Variants in HS6ST3 observed in about 807,000 individuals in gnomAD.
HS6ST3 encodes the protein heparan-sulfate 6-O-sulfotransferase 3.
In HS6ST3, 12 loss-of-function variants were observed where a neutral mutation model predicts 36.7. The ratio of observed to expected loss-of-function variants is 0.33; its 90% CI spans 0.21 to 0.53. The LOEUF is 0.53. Among genes scored for constraint, HS6ST3 ranks in the 20% least tolerant of loss-of-function variants. The probability of loss-of-function intolerance (pLI) is 0.95; values close to 1 mark genes in which losing one functional copy is unlikely to be tolerated. For synonymous variants in HS6ST3, 240 were observed against 257.5 expected, an observed-to-expected ratio of 0.93 and a Z score of 0.65; for missense variants, 584 against 640.9, an observed-to-expected ratio of 0.91 and a Z score of 0.96.
At chr13:96,387,701 C>G (rs185220383) in intron 1 of HS6ST3, among the ~76,000 whole-genome samples, 2 of 152,138 alleles carry the variant, frequency 1.3e-5, no homozygotes, top group Non-Finnish European at 2.9e-5. Context: ...CCAATTACCC[C>G]AAGGCTGCAA....
chr13:96,608,709 A>G (rs566886636), intron 1 of HS6ST3, among the ~76,000 whole-genome samples: 2 of 152,362 alleles, frequency 1.3e-5, no homozygotes, highest in South Asian at 4.1e-4. Flanking sequence ...GAGCAAAACC[A>G]GAGTAATTAG....
intron 1 of HS6ST3, among the ~76,000 whole-genome samples, chr13:96,731,348 T>C (rs1876148920): frequency 6.6e-6 from 1 of 152,216 alleles, no homozygotes; most frequent in Admixed American, 6.5e-5. Context: ...TGTCTTTCTG[T>C]GCCTGGTTTA....
chr13:96,809,890 G>A (rs570133873), intron 1 of HS6ST3, among the ~76,000 whole-genome samples: 1 of 152,336 alleles, frequency 6.6e-6, no homozygotes, highest in East Asian at 1.9e-4. Flanking sequence ...CTCACATGAG[G>A]TTATGTTTCC....
At chr13:96,787,291 A>G (rs1274547054) in intron 1 of HS6ST3, among the ~76,000 whole-genome samples, 2 of 152,140 alleles carry the variant, frequency 1.3e-5, no homozygotes, top group Admixed American at 6.6e-5. Flanking sequence ...AGTGATAAAT[A>G]TATGTTTAGC....
chr13:96,630,488 T>C (rs2056528204), intron 1 of HS6ST3, among the ~76,000 whole-genome samples: 1 of 152,220 alleles, frequency 6.6e-6, no homozygotes, highest in African/African-American at 2.4e-5. Context: ...CTTTCTCTTA[T>C]ACCTAATGGC....
chr13:96,723,900 G>A (rs889317818), intron 1 of HS6ST3, among the ~76,000 whole-genome samples: 2 of 152,054 alleles, frequency 1.3e-5, no homozygotes, highest in Non-Finnish European at 2.9e-5. Context: ...CTCTTTTGAT[G>A]TTTCATTGTG....
chr13:96,304,711 CTT>C (rs61314597), intron 1 of HS6ST3, among the ~76,000 whole-genome samples: 4 of 89,336 alleles, frequency 4.5e-5, no homozygotes, highest in African/African-American at 1.3e-4. Flanking sequence ...TTCTTTCTTT[CTT>C]TTTTTTTTTT....
intron 1 of HS6ST3, among the ~76,000 whole-genome samples, chr13:96,203,247 GGAAGAA>G (rs2054352272): frequency 6.6e-6 from 1 of 152,178 alleles, no homozygotes; most frequent in East Asian, 1.9e-4. Context: ...GGAAAGTTCA[GGAAGAA>G]GATACCAGGT....
chr13:96,381,479 A>G (rs1479985230), intron 1 of HS6ST3, among the ~76,000 whole-genome samples: 1 of 143,336 alleles, frequency 7.0e-6, no homozygotes, highest in Non-Finnish European at 1.6e-5. Flanking sequence ...GGTGGGGTTA[A>G]GAGTGCAGAC....
intron 1 of HS6ST3, among the ~76,000 whole-genome samples, chr13:96,784,121 A>G (rs1594859345): frequency 6.6e-6 from 1 of 151,540 alleles, no homozygotes. Flanking sequence ...AGGAACTTTG[A>G]TATAAATAAA....
rs189712534 is a variant in HS6ST3 at position 96,796,581 on chromosome 13, G to A, written c.708-35909G>A. Among the ~76,000 whole-genome samples, 23 of 152,200 alleles carry A rather than the reference G, an allele frequency of 1.5e-4. No individual in the cohort carries two copies. The East Asian group carries it at 2.7e-3, about 18-fold the overall frequency. On this transcript the variant is annotated intron_variant, in intron 1 of 1. Coordinates refer to ENST00000376705, the MANE Select transcript of HS6ST3 (RefSeq NM_153456.4). The stretch of plus-strand genomic sequence containing the variant: ...GTGAAAAGACATGGGCTTTGGTGAT[G>A]GAGAAATAATTTTAGATGCTTTATA...
At chr13:96,140,723 C>T (rs979287002) in intron 1 of HS6ST3, among the ~76,000 whole-genome samples, 4 of 152,130 alleles carry the variant, frequency 2.6e-5, no homozygotes, top group African/African-American at 9.7e-5. Context: ...CCTTGTACTT[C>T]TTATGAAATC....
At chr13:96,382,000 A>G (rs952102069) in intron 1 of HS6ST3, among the ~76,000 whole-genome samples, 1 of 152,156 alleles carries the variant, frequency 6.6e-6, no homozygotes, top group Non-Finnish European at 1.5e-5. Flanking sequence ...CAGGCTTGGT[A>G]GTATCAAGAA....
intron 1 of HS6ST3, among the ~76,000 whole-genome samples, chr13:96,245,709 T>C (rs998289492): frequency 1.3e-5 from 2 of 152,114 alleles, no homozygotes; most frequent in Non-Finnish European, 2.9e-5. Flanking sequence ...CAAACTATAG[T>C]AGTCTCTTGG....
intron 1 of HS6ST3, among the ~76,000 whole-genome samples, chr13:96,704,113 T>C (rs1444151638): frequency 6.6e-6 from 1 of 152,210 alleles, no homozygotes; most frequent in Non-Finnish European, 1.5e-5. Context: ...TAGTCCCAAG[T>C]AAGCACTTCC....
chr13:96,806,181 G>A (rs772666219), intron 1 of HS6ST3, among the ~76,000 whole-genome samples: 1 of 152,168 alleles, frequency 6.6e-6, no homozygotes, highest in Non-Finnish European at 1.5e-5. Context: ...TAAGCAAACA[G>A]GTCATTGTAA....
intron 1 of HS6ST3, among the ~76,000 whole-genome samples, chr13:96,328,715 T>C (rs1222023616): frequency 1.3e-5 from 2 of 152,130 alleles, no homozygotes; most frequent in Non-Finnish European, 2.9e-5. Flanking sequence ...TAGGGAGGAT[T>C]CCCTCTTTTT....
chr13:96,519,544 T>G (rs2056085445), intron 1 of HS6ST3, among the ~76,000 whole-genome samples: 1 of 152,212 alleles, frequency 6.6e-6, no homozygotes, highest in Non-Finnish European at 1.5e-5. Flanking sequence ...GGAAGTGAGC[T>G]GGCCACTGTA....
chr13:96,565,167 C>A (rs1384606334), intron 1 of HS6ST3, among the ~76,000 whole-genome samples: 3 of 151,958 alleles, frequency 2.0e-5, no homozygotes. Context: ...GGGGCATTAA[C>A]CCACAGGAAC....
Sources: gnomAD v4.1 joint callset for allele counts (sites outside exome capture counted in the v4.1 genomes callset) on GRCh38, gnomAD v4.1.1 for gene constraint, MANE v1.5 for transcripts, NCBI Gene and HGNC (gene_info 2026-07-23, HGNC 2026-07-21) for gene names.